The following PIK3C2G variants were observed in gnomAD, a reference collection of about 807,000 sequenced individuals.
PIK3C2G encodes phosphatidylinositol-4-phosphate 3-kinase catalytic subunit type 2 gamma.
PIK3C2G carries 168 observed loss-of-function variants against 181.1 expected under a neutral mutation model. The observed-to-expected ratio is 0.93, with a 90% CI of 0.82 to 1.05. The LOEUF (loss-of-function observed/expected upper bound fraction) is 1.05. Ranked by LOEUF, PIK3C2G falls within the 50% of genes least tolerant of loss-of-function variation. PIK3C2G has a pLI of 0.00. For synonymous variants in PIK3C2G, 573 were observed against 592.2 expected (o/e 0.97, Z 0.47); for missense variants, 1,869 against 1,732.8 (o/e 1.08, Z -1.40).
At chr12:18,490,676 C>T (rs774888699) in intron 19 of PIK3C2G, among the ~76,000 whole-genome samples, 17 of 152,270 alleles carry the variant, frequency 1.1e-4, no homozygotes, top group Non-Finnish European at 1.9e-4. Flanking sequence ...ATAATGACCT[C>T]CAGTTCCATC....
At chr12:18,253,854 T>A (rs1356813717) in intron 1 of PIK3C2G, among the ~76,000 whole-genome samples, 4 of 151,730 alleles carry the variant, frequency 2.6e-5, no homozygotes, top group Non-Finnish European at 4.4e-5. Context: ...TTCAATTATT[T>A]TTTTTTTTTT....
At chr12:18,643,538 G>T (rs645395) in intron 32 of PIK3C2G, among the ~76,000 whole-genome samples, 17,678 of 151,678 alleles carry the variant, frequency 0.12, 1,279 homozygotes, top group African/African-American at 0.2. Flanking sequence ...GGCAACAACG[G>T]TTAATTTAAT....
At chr12:18,698,282 A>ATTCTATTCTATTCTATTCTATT in the PIK3C2G span, among the ~76,000 whole-genome samples, 11 of 151,812 alleles carry the variant, frequency 7.2e-5, no homozygotes, top group Middle Eastern at 3.4e-3. Flanking sequence ...ATTCTATTCT[A>ATTCTATTCTATTCTATTCTATT]TTCTACTCCA....
At chr12:18,661,910 C>A in the PIK3C2G span, among the ~76,000 whole-genome samples, 1 of 151,974 alleles carries the variant, frequency 6.6e-6, no homozygotes, top group East Asian at 1.9e-4. Flanking sequence ...ATGAAGTACA[C>A]ATACACCATG....
chr12:18,338,299 T>C (rs1938746553), intron 8 of PIK3C2G, 127 bp from the exon 9 acceptor site: 2 of 711,154 alleles, frequency 2.8e-6, no homozygotes, highest in Non-Finnish European at 4.6e-6. Context: ...ACTTTCTTTT[T>C]GTGTGAAAGC....
downstream of PIK3C2G, among the ~76,000 whole-genome samples, chr12:18,653,007 C>CA (rs574734349): frequency 6.6e-6 from 1 of 152,050 alleles, no homozygotes; most frequent in Non-Finnish European, 1.5e-5. Context: ...TTTGGACACA[C>CA]AGTCACCCCC....
At chr12:18,597,912 A>T (rs1003760494) in intron 30 of PIK3C2G, among the ~76,000 whole-genome samples, 2 of 152,206 alleles carry the variant, frequency 1.3e-5, no homozygotes, top group Admixed American at 6.5e-5. Flanking sequence ...CTTCAAAGAT[A>T]ATGAAATACC....
chr12:18,337,901 C>T (rs1205518102), intron 8 of PIK3C2G, among the ~76,000 whole-genome samples: 6 of 152,128 alleles, frequency 3.9e-5, no homozygotes, highest in African/African-American at 9.7e-5. Context: ...TATCAAACAC[C>T]TTAACACCAC....
At chr12:18,659,779 T>C in the PIK3C2G span, among the ~76,000 whole-genome samples, 1 of 151,810 alleles carries the variant, frequency 6.6e-6, no homozygotes, top group African/African-American at 2.4e-5. Flanking sequence ...ACCCGTTAAC[T>C]CGTTATTTAG....
At chr12:18,364,607 T>G (rs997229410) in intron 12 of PIK3C2G, among the ~76,000 whole-genome samples, 2 of 152,086 alleles carry the variant, frequency 1.3e-5, no homozygotes, top group African/African-American at 4.8e-5. Context: ...CTTTAAAAAG[T>G]TATTAACCAA....
chr12:18,689,112 T>G, the PIK3C2G span, among the ~76,000 whole-genome samples: 1 of 152,200 alleles, frequency 6.6e-6, no homozygotes, highest in African/African-American at 2.4e-5. Context: ...CAGCATGGAA[T>G]GGGCATCAGC....
At chr12:18,525,570 A>G (rs1200777918) in intron 24 of PIK3C2G, among the ~76,000 whole-genome samples, 1 of 152,196 alleles carries the variant, frequency 6.6e-6, no homozygotes, top group Non-Finnish European at 1.5e-5. Context: ...AAGCAGAGGT[A>G]TGCTGAACCT....
At chr12:18,325,397 CG>C (rs892893137) in intron 8 of PIK3C2G, among the ~76,000 whole-genome samples, 5 of 152,016 alleles carry the variant, frequency 3.3e-5, no homozygotes, top group Non-Finnish European at 5.9e-5. Flanking sequence ...CAGCCAGAGA[CG>C]GGCATTGTGA....
chr12:18,656,197 G>A, the PIK3C2G span, among the ~76,000 whole-genome samples: 1 of 152,166 alleles, frequency 6.6e-6, no homozygotes, highest in African/African-American at 2.4e-5. Flanking sequence ...GTGAAGTTGA[G>A]ACGGAAGCAT....
intron 16 of PIK3C2G, among the ~76,000 whole-genome samples, chr12:18,419,210 A>G (rs1028807037): frequency 1.8e-4 from 27 of 152,174 alleles, no homozygotes; most frequent in African/African-American, 6.3e-4. Flanking sequence ...ACACATAGTT[A>G]AAGATATAGC....
chr12:18,380,508 G>C (rs550247037), intron 13 of PIK3C2G, among the ~76,000 whole-genome samples: 50 of 152,206 alleles, frequency 3.3e-4, no homozygotes, highest in African/African-American at 1.2e-3. Flanking sequence ...GACAGGCAAA[G>C]GGGAAAATTA....
chr12:18,688,191 T>G, the PIK3C2G span: 2 of 1,610,562 alleles, frequency 1.2e-6, no homozygotes, highest in African/African-American at 1.3e-5. Context: ...GATGAATGAG[T>G]AAGAGGCAAC....
intron 5 of PIK3C2G, among the ~76,000 whole-genome samples, chr12:18,295,876 T>G (rs567329460): frequency 4.7e-4 from 72 of 152,198 alleles, no homozygotes; most frequent in South Asian, 1.7e-3. Flanking sequence ...ATATTACTTT[T>G]AGTGTATTCC....
Position 18,338,663 on chromosome 12 carries a change from CTGTGTGTGTGTGTGTGTGTG to C in PIK3C2G, c.1395+142_1395+161del, listed in dbSNP as rs199613361. On this transcript the variant is annotated intron_variant, in intron 9 of 32. Coordinates refer to ENST00000538779, the MANE Select transcript of PIK3C2G (RefSeq NM_001288772.2). ...TTTCCGTGTGTATGTTTGTGTGTAT[CTGTGTGTGTGTGTGTGTGTG>C]TGTGTGTGTGTGTGTGTGTGTGTGT... 2.5e-4 allele frequency: 105 copies of C among 414,036 alleles called. No individual in the cohort carries two copies. In the South Asian group the frequency reaches 2.9e-3, roughly 11 times the overall value. The allele number at this position is 414,036 out of a possible 1,614,324, so 25.6% of individuals were successfully genotyped here.
Sources: gnomAD v4.1 joint callset for allele counts (sites outside exome capture counted in the v4.1 genomes callset) on GRCh38, gnomAD v4.1.1 for gene constraint, MANE v1.5 for transcripts, NCBI Gene and HGNC (gene_info 2026-07-23, HGNC 2026-07-21) for gene names.